The following CFAP47 variants were observed in gnomAD, a reference collection of about 807,000 sequenced individuals.
CFAP47 encodes cilia and flagella associated protein 47.
In CFAP47, 29 loss-of-function variants were observed where a neutral mutation model predicts 148.1. The ratio of observed to expected loss-of-function variants is 0.20; its 90% CI spans 0.15 to 0.27. The LOEUF (loss-of-function observed/expected upper bound fraction) is 0.27, where lower values mean the gene tolerates loss of function less well. Among genes scored for constraint, CFAP47 ranks in the 10% least tolerant of loss-of-function variants. The probability of loss-of-function intolerance (pLI) is 1.00; values close to 1 mark genes in which losing one functional copy is unlikely to be tolerated. For missense variants in CFAP47, 1,872 were observed against 1,697.5 expected, an observed-to-expected ratio of 1.10 and a Z score of -1.81; for synonymous variants, 664 against 577.3, an observed-to-expected ratio of 1.15 and a Z score of -2.15.
intron 62 of CFAP47, among the ~76,000 whole-genome samples, chrX:36,371,996 GTA>G (rs1569330071): frequency 1.4e-5 from 1 of 71,145 alleles, no homozygotes; most frequent in African/African-American, 1.1e-4. Flanking sequence ...ATATGTATGT[GTA>G]TATATGTGTG....
intron 35 of CFAP47, among the ~76,000 whole-genome samples, chrX:36,141,127 A>AG: frequency 9.4e-6 from 1 of 106,476 alleles, no homozygotes; most frequent in East Asian, 3.0e-4. Flanking sequence ...GATATATGAG[A>AG]GGGGATTTAT....
At chrX:36,039,355 A>G (rs964791908) in intron 25 of CFAP47, among the ~76,000 whole-genome samples, 176 bp downstream of exon 25, 1 of 112,023 alleles carries the variant, frequency 8.9e-6, no homozygotes, top group Non-Finnish European at 1.9e-5. Context: ...TAATTATCTC[A>G]CAGTTAGTCA....
intron 57 of CFAP47, among the ~76,000 whole-genome samples, chrX:36,343,084 T>C (rs1309501607): frequency 9.0e-6 from 1 of 111,721 alleles, no homozygotes; most frequent in African/African-American, 3.3e-5. Flanking sequence ...GTTCCTGTGT[T>C]AGTTTGCTTA....
intron 60 of CFAP47, among the ~76,000 whole-genome samples, chrX:36,356,461 T>G (rs1034839230): frequency 1.3e-4 from 15 of 111,406 alleles, no homozygotes; most frequent in Non-Finnish European, 2.6e-4. Context: ...ATCGACCTCA[T>G]TGTCTCCTTA....
chrX:36,335,360 A>T (rs1334918565), intron 57 of CFAP47, among the ~76,000 whole-genome samples: 1 of 111,037 alleles, frequency 9.0e-6, no homozygotes. Flanking sequence ...CCTCTACCAA[A>T]CTACTTTAAA....
intron 62 of CFAP47, chrX:36,375,084 A>T (rs782690544): frequency 4.7e-5 from 19 of 400,814 alleles, no homozygotes; most frequent in African/African-American, 7.5e-5. Flanking sequence ...AAGCTGGATG[A>T]TGACTTTGGA....
chrX:36,225,080 G>A (rs782076828), intron 45 of CFAP47, among the ~76,000 whole-genome samples: 32 of 109,969 alleles, frequency 2.9e-4, no homozygotes, highest in Non-Finnish European at 9.5e-5. Context: ...ACATATATTC[G>A]GTTATCTTTA....
intron 46 of CFAP47, among the ~76,000 whole-genome samples, chrX:36,231,204 G>A (rs1940351783): frequency 9.0e-6 from 1 of 111,153 alleles, no homozygotes; most frequent in Non-Finnish European, 1.9e-5. Context: ...ACTTTGGGCA[G>A]TATGGCCATT....
intron 48 of CFAP47, among the ~76,000 whole-genome samples, chrX:36,239,025 GC>G: frequency 8.9e-6 from 1 of 112,041 alleles, no homozygotes; most frequent in Non-Finnish European, 1.9e-5. Flanking sequence ...TTTTTAAAAA[GC>G]TTTTTAATAT....
intron 33 of CFAP47, among the ~76,000 whole-genome samples, chrX:36,127,495 A>C (rs900020638): frequency 5.4e-5 from 6 of 111,576 alleles, no homozygotes; most frequent in African/African-American, 2.0e-4. Flanking sequence ...TGGTTACTGC[A>C]GCCTTGTAGT....
At chrX:36,328,758 A>C (rs1166668570) in intron 57 of CFAP47, among the ~76,000 whole-genome samples, 9 of 103,474 alleles carry the variant, frequency 8.7e-5, no homozygotes, top group African/African-American at 3.2e-4. Context: ...TGCAGTGAGC[A>C]GAGATTGCGC....
intron 58 of CFAP47, among the ~76,000 whole-genome samples, chrX:36,349,784 A>T (rs1198624819): frequency 9.0e-6 from 1 of 111,253 alleles, no homozygotes; most frequent in Non-Finnish European, 1.9e-5. Flanking sequence ...GTAGGGAAAA[A>T]AGCTCTTCAA....
intron 2 of CFAP47, among the ~76,000 whole-genome samples, chrX:35,931,355 G>A (rs779419237): frequency 1.8e-5 from 2 of 110,679 alleles, no homozygotes; most frequent in East Asian, 2.8e-4. Context: ...TTTTTTCTAA[G>A]TAAAATTTGA....
chrX:36,188,089 G>T (rs781981736), intron 40 of CFAP47, among the ~76,000 whole-genome samples: 1 of 112,033 alleles, frequency 8.9e-6, no homozygotes, highest in African/African-American at 3.2e-5. Context: ...GGAGGCAGTT[G>T]CTTCAGGCTG....
chrX:35,983,627 G>C (rs2146677324), intron 15 of CFAP47, among the ~76,000 whole-genome samples: 1 of 111,722 alleles, frequency 9.0e-6, no homozygotes, highest in South Asian at 3.7e-4. Flanking sequence ...ATTATTTTGA[G>C]ATGTGTTTCT....
chrX:36,092,723 G>A (rs1938207458), intron 30 of CFAP47, among the ~76,000 whole-genome samples: 1 of 109,766 alleles, frequency 9.1e-6, no homozygotes, highest in South Asian at 3.8e-4. Flanking sequence ...ATGGAAGATA[G>A]GGTATTAATC....
chrX:36,282,046 G>T (rs1451736659), intron 50 of CFAP47, among the ~76,000 whole-genome samples: 1 of 110,872 alleles, frequency 9.0e-6, no homozygotes, highest in East Asian at 2.8e-4. Flanking sequence ...GAAAAAAAAA[G>T]AAATTCAGAA....
chrX:35,997,951 T>C (rs1201271914), intron 19 of CFAP47, among the ~76,000 whole-genome samples: 1 of 111,337 alleles, frequency 9.0e-6, no homozygotes, highest in Non-Finnish European at 1.9e-5. Context: ...ATTTCTGGGT[T>C]TTTTTTAAAC....
intron 45 of CFAP47, among the ~76,000 whole-genome samples, chrX:36,224,672 C>T (rs969609263): frequency 9.0e-6 from 1 of 111,600 alleles, no homozygotes. Context: ...TGCTCATGGA[C>T]AGAATTCCCA....
Sources: allele counts gnomAD v4.1 joint callset (sites outside exome capture counted in the v4.1 genomes callset), GRCh38; gene constraint gnomAD v4.1.1; transcripts MANE v1.5; gene names NCBI Gene and HGNC (gene_info 2026-07-23, HGNC 2026-07-21).